AGMO: variants seen among roughly 807,000 people sequenced by gnomAD.
AGMO encodes alkylglycerol monooxygenase, also known as glyceryl-ether monooxygenase.
AGMO carries 75 observed loss-of-function variants against 60.2 expected under a neutral mutation model. That is an observed-to-expected ratio of 1.25 (90% CI 1.03 to 1.51). AGMO has a LOEUF of 1.51. Ranked by LOEUF, AGMO falls within the 40% of genes most tolerant of loss-of-function variation. The probability of loss-of-function intolerance (pLI) is 0.00; values close to 1 mark genes in which losing one functional copy is unlikely to be tolerated. For synonymous variants in AGMO, 261 were observed against 177.1 expected, an observed-to-expected ratio of 1.47 and a Z score of -3.76; for missense variants, 763 against 525.5, an observed-to-expected ratio of 1.45 and a Z score of -4.42.
chr7:15,203,379 T>C (rs1266407717), intron 12 of AGMO, among the ~76,000 whole-genome samples: 2 of 152,170 alleles, frequency 1.3e-5, no homozygotes, highest in African/African-American at 4.8e-5. Flanking sequence ...CTTTATCCTC[T>C]AGGACCTACC....
At chr7:15,396,855 C>A (rs192345641) in intron 5 of AGMO, among the ~76,000 whole-genome samples, 232 of 152,302 alleles carry the variant, frequency 1.5e-3, no homozygotes, top group Non-Finnish European at 2.7e-3. Context: ...CGTTTACAAA[C>A]CTTTAGCTAG....
At chr7:15,394,478 G>A (rs1296650782) in intron 5 of AGMO, among the ~76,000 whole-genome samples, 4 of 152,040 alleles carry the variant, frequency 2.6e-5, no homozygotes, top group African/African-American at 9.7e-5. Flanking sequence ...GAAACGACTA[G>A]GTTTTCATAT....
At chr7:15,478,023 T>C (rs756078426) in intron 3 of AGMO, among the ~76,000 whole-genome samples, 1 of 152,114 alleles carries the variant, frequency 6.6e-6, no homozygotes, top group Non-Finnish European at 1.5e-5. Flanking sequence ...CCTGTGTATA[T>C]TGAAGGGACA....
the AGMO span, among the ~76,000 whole-genome samples, chr7:15,135,926 T>C: frequency 6.6e-6 from 1 of 151,260 alleles, no homozygotes; most frequent in Non-Finnish European, 1.5e-5. Context: ...TTTTTAGTCA[T>C]GTAATGAAAC....
intron 4 of AGMO, among the ~76,000 whole-genome samples, chr7:15,429,064 T>C (rs144523213): frequency 8.4e-4 from 128 of 152,200 alleles, no homozygotes; most frequent in East Asian, 5.8e-3. Flanking sequence ...TCTTGAACTA[T>C]ACAGTTGTAA....
chr7:15,437,281 A>G (rs1781427755), intron 3 of AGMO, among the ~76,000 whole-genome samples: 1 of 152,212 alleles, frequency 6.6e-6, no homozygotes, highest in South Asian at 2.1e-4. Flanking sequence ...TGGTGATGAT[A>G]AAAATAAATG....
chr7:15,336,245 CA>C (rs561008169), intron 12 of AGMO, among the ~76,000 whole-genome samples: 29 of 148,462 alleles, frequency 2.0e-4, no homozygotes, highest in African/African-American at 3.9e-4. Context: ...TAACATTCAC[CA>C]AAAAAAAAAT....
At chr7:15,351,770 C>CA (rs1389322742) in intron 12 of AGMO, among the ~76,000 whole-genome samples, 4 of 151,914 alleles carry the variant, frequency 2.6e-5, no homozygotes, top group Admixed American at 6.6e-5. Context: ...TTAAAAATAA[C>CA]AAAGTATACG....
intron 5 of AGMO, among the ~76,000 whole-genome samples, chr7:15,397,726 G>T (rs761019186): frequency 1.3e-5 from 2 of 152,052 alleles, no homozygotes; most frequent in Non-Finnish European, 2.9e-5. Context: ...CAAAACTTTG[G>T]ATTAATTCAT....
At chr7:15,283,254 T>A (rs1021558416) in intron 12 of AGMO, among the ~76,000 whole-genome samples, 1 of 152,080 alleles carries the variant, frequency 6.6e-6, no homozygotes, top group Non-Finnish European at 1.5e-5. Context: ...TGAATGTAAA[T>A]GCCCTAATAC....
chr7:15,518,372 C>A (rs1783881155), intron 3 of AGMO, among the ~76,000 whole-genome samples: 1 of 152,182 alleles, frequency 6.6e-6, no homozygotes, highest in Non-Finnish European at 1.5e-5. Flanking sequence ...TGCCTCCTGA[C>A]TGGGAGACAC....
chr7:15,144,210 T>C, the AGMO span, among the ~76,000 whole-genome samples: 1 of 152,128 alleles, frequency 6.6e-6, no homozygotes. Context: ...TTAGCTAACA[T>C]TGGTGTTATT....
At chr7:15,506,002 G>A (rs1054764866) in intron 3 of AGMO, among the ~76,000 whole-genome samples, 5 of 151,920 alleles carry the variant, frequency 3.3e-5, no homozygotes, top group Non-Finnish European at 7.4e-5. Flanking sequence ...ATTTAGAAAA[G>A]AACCAGAAAA....
chr7:15,420,169 T>C (rs1339711068), intron 4 of AGMO, among the ~76,000 whole-genome samples: 1 of 152,088 alleles, frequency 6.6e-6, no homozygotes, highest in African/African-American at 2.4e-5. Flanking sequence ...AGCAGTCCCT[T>C]GAAATAATGA....
chr7:15,189,318 C>T, the AGMO span, among the ~76,000 whole-genome samples: 3 of 151,980 alleles, frequency 2.0e-5, no homozygotes, highest in Non-Finnish European at 4.4e-5. Context: ...AAGATTCTAA[C>T]TGATTTTAAG....
At chr7:15,480,449 G>T (rs1402291136) in intron 3 of AGMO, among the ~76,000 whole-genome samples, 1 of 152,082 alleles carries the variant, frequency 6.6e-6, no homozygotes, top group Non-Finnish European at 1.5e-5. Flanking sequence ...AAAGCAAGAA[G>T]AATAAAGACA....
At chr7:15,180,083 G>T in the AGMO span, among the ~76,000 whole-genome samples, 5 of 152,118 alleles carry the variant, frequency 3.3e-5, no homozygotes, top group Admixed American at 1.3e-4. Context: ...TGCCTTTGGG[G>T]TCTTTATTAT....
intron 9 of AGMO, among the ~76,000 whole-genome samples, chr7:15,386,895 T>G (rs1471088481): frequency 6.6e-6 from 1 of 152,226 alleles, no homozygotes; most frequent in African/African-American, 2.4e-5. Flanking sequence ...TGGTTTTCAA[T>G]GTGGTTTCTG....
rs73679481 is a variant in AGMO at position 15,353,497 on chromosome 7, A to G, written c.1263+12017T>C. Among the ~76,000 whole-genome samples the G allele has an allele frequency of 2.9e-3, 435 of 152,314 alleles. 2 individuals carry two copies. Among genetic ancestry groups the G allele is most frequent in the African/African-American group, 9.9e-3 (411 of 41,570 alleles). On this transcript the variant is annotated intron_variant, in intron 12 of 12. Transcript: ENST00000342526. ...GGGGGGAATCCCTGCCTGTTTTCAG[A>G]CCAAAGTAAAACAAGCACAAAAGCA...
Sources: allele counts gnomAD v4.1 joint callset (sites outside exome capture counted in the v4.1 genomes callset), GRCh38; gene constraint gnomAD v4.1.1; transcripts MANE v1.5; gene names NCBI Gene and HGNC (gene_info 2026-07-23, HGNC 2026-07-21).